Variants in ZNF438 observed in about 807,000 individuals in gnomAD.
ZNF438 encodes the protein zinc finger protein 438.
ZNF438 carries 25 observed loss-of-function variants against 38.0 expected under a neutral mutation model. The ratio of observed to expected loss-of-function variants is 0.66; its 90% CI spans 0.48 to 0.92. The LOEUF is 0.92. ZNF438 is among the 40% of genes least tolerant of loss of function. ZNF438 has a pLI of 0.00. For missense variants in ZNF438, 1,007 were observed against 999.6 expected (o/e 1.01, Z -0.10); for synonymous variants, 372 against 364.1 (o/e 1.02, Z -0.25).
intron 1 of ZNF438, among the ~76,000 whole-genome samples, chr10:30,945,528 A>G (rs2047304516): frequency 1.3e-5 from 2 of 151,490 alleles, no homozygotes; most frequent in Non-Finnish European, 2.9e-5. Flanking sequence ...CATTAGGTAT[A>G]TCTCCCAATG....
intron 3 of ZNF438, among the ~76,000 whole-genome samples, chr10:30,896,588 A>G (rs1053229353): frequency 6.6e-6 from 1 of 152,112 alleles, no homozygotes; most frequent in African/African-American, 2.4e-5. Context: ...CATATATATC[A>G]GGTATCTAGA....
chr10:30,883,640 G>A (rs2039563758), intron 3 of ZNF438, among the ~76,000 whole-genome samples: 1 of 152,174 alleles, frequency 6.6e-6, no homozygotes, highest in African/African-American at 2.4e-5. Context: ...GGGGGCAGAG[G>A]TGGAAGCATC....
intron 4 of ZNF438, among the ~76,000 whole-genome samples, chr10:30,862,430 G>A (rs1010534681): frequency 6.6e-6 from 1 of 152,114 alleles, no homozygotes; most frequent in Non-Finnish European, 1.5e-5. Context: ...AGCCTCCCAA[G>A]TAGCTGGAAC....
exon 5 of ZNF438, chr10:30,848,748 G>C (rs1358318147): frequency 6.2e-7 from 1 of 1,614,056 alleles, no homozygotes. Context: ...AGTTTCATGT[G>C]TGTGCTCAGG....
At chr10:30,971,589 A>G (rs1350912830) in intron 1 of ZNF438, among the ~76,000 whole-genome samples, 1 of 152,192 alleles carries the variant, frequency 6.6e-6, no homozygotes, top group East Asian at 1.9e-4. Flanking sequence ...TTTAAAAAGA[A>G]AAATCATAGT....
At chr10:31,030,702 A>G (rs979095027) in intron 1 of ZNF438, among the ~76,000 whole-genome samples, 4 of 152,238 alleles carry the variant, frequency 2.6e-5, no homozygotes, top group African/African-American at 9.6e-5. Context: ...ATTTACAGAA[A>G]TGTGAACTCT....
chr10:30,916,670 A>C (rs143650516), intron 2 of ZNF438, among the ~76,000 whole-genome samples: 79 of 152,148 alleles, frequency 5.2e-4, no homozygotes, highest in African/African-American at 1.8e-3. Context: ...TATTCTGTTC[A>C]TGAGACTTAT....
intron 4 of ZNF438, among the ~76,000 whole-genome samples, chr10:30,861,597 C>T (rs921801116): frequency 1.3e-5 from 2 of 152,274 alleles, no homozygotes; most frequent in South Asian, 2.1e-4. Context: ...GGGAAAAGTA[C>T]ATTTAAAAAG....
rs374534661 is a variant in ZNF438, at chr10:31,014,244, C to T, written c.-192+17589G>A. Among the ~76,000 whole-genome samples the T allele has an allele frequency of 3.3e-5, 5 of 152,262 alleles. No homozygotes were observed. In the East Asian group the frequency reaches 9.7e-4, roughly 29 times the overall value. Reference sequence around the variant, plus strand: ...GGCTTTGTCTTTGTCTGAGCTACCACAACAACAGAAATTTAACTGGGTGGC... The same window carrying T: ...GGCTTTGTCTTTGTCTGAGCTACCATAACAACAGAAATTTAACTGGGTGGC... On this transcript the variant is annotated intron_variant, in intron 1 of 5. Transcript: ENST00000413025.
intron 2 of ZNF438, among the ~76,000 whole-genome samples, chr10:30,921,641 G>A (rs1187891881): frequency 6.6e-6 from 1 of 152,104 alleles, no homozygotes; most frequent in Non-Finnish European, 1.5e-5. Context: ...TCTAAACACT[G>A]GTTTTCTTTC....
intron 2 of ZNF438, among the ~76,000 whole-genome samples, chr10:30,931,038 G>C (rs2045636434): frequency 6.6e-6 from 1 of 152,132 alleles, no homozygotes. Flanking sequence ...CTGGAGCACT[G>C]GGAAAACATA....
intron 3 of ZNF438, among the ~76,000 whole-genome samples, chr10:30,903,761 A>C (rs577809755): frequency 6.6e-6 from 1 of 152,358 alleles, no homozygotes; most frequent in South Asian, 2.1e-4. Flanking sequence ...GTAACCTTCA[A>C]GTATGTGCTA....
rs112445542 is a variant in ZNF438 at position 30,999,097 on chromosome 10, G to GA, written c.-192+32735dup. Among the ~76,000 whole-genome samples, 65 of 144,948 alleles carry GA rather than the reference G, an allele frequency of 4.5e-4. No individual in the cohort carries two copies. In the South Asian group the frequency reaches 4.8e-3, roughly 11 times the overall value. On this transcript the variant is annotated intron_variant, in intron 1 of 5. Coordinates refer to ENST00000413025, the Ensembl canonical transcript of ZNF438. The stretch of plus-strand genomic sequence containing the variant: ...CTCTTATCCAAGCGGTTCCCAAATG[G>GA]AAAAAAAAAAATCTGAAAGTTAAAT...
rs138011406 is a variant in ZNF438 at position 30,998,293 on chromosome 10, C to A, written c.-192+33540G>T. On this transcript the variant is annotated intron_variant, in intron 1 of 5. Coordinates refer to ENST00000413025, the Ensembl canonical transcript of ZNF438. ...CAGTGGCTCATGCCTGTAATCCTAG[C>A]ACTTTGGGAGGCCGAGGCGGGTGGA... 2.5e-3 allele frequency among the ~76,000 whole-genome samples: 385 copies of A among 152,016 alleles called. 9 individuals carry two copies. The East Asian group carries it at 0.038, about 15-fold the overall frequency.
At chr10:30,981,822 A>T (rs2994645) in intron 1 of ZNF438, among the ~76,000 whole-genome samples, 3 of 151,146 alleles carry the variant, frequency 2.0e-5, no homozygotes, top group Admixed American at 6.6e-5. Flanking sequence ...AGGTTGCAGC[A>T]AGCCGAGATT....
intron 4 of ZNF438, among the ~76,000 whole-genome samples, chr10:30,874,148 A>G (rs2038025026): frequency 2.4e-4 from 22 of 90,414 alleles, no homozygotes; most frequent in Admixed American, 1.5e-3. Flanking sequence ...ATATATATAT[A>G]TATATATATA....
Position 30,959,985 on chromosome 10 carries a change from C to T in ZNF438, c.-191-18334G>A, listed in dbSNP as rs191319689. Reference sequence around the variant, plus strand: ...ACAGCCATCCTAGGGGATGTAATCTCATTGTGGTATCTCATTGTGTTTTTA... The same window carrying T: ...ACAGCCATCCTAGGGGATGTAATCTTATTGTGGTATCTCATTGTGTTTTTA... On this transcript the variant is annotated intron_variant, in intron 1 of 5. Transcript: ENST00000413025. Among the ~76,000 whole-genome samples, 64 of 145,450 alleles carry T rather than the reference C, an allele frequency of 4.4e-4. 4 individuals carry two copies. Among genetic ancestry groups the T allele is most frequent in the African/African-American group, 1.5e-3 (60 of 39,516 alleles).
At position 30,971,511 on chromosome 10, in the gene ZNF438, T is replaced by C. The variant is rs1427746863; in HGVS notation, c.-191-29860A>G. On this transcript the variant is annotated intron_variant, in intron 1 of 5. Transcript: ENST00000413025. ...GAAGGGTGGTAGTCAAATGGAACTT[T>C]AGCCTGACATAAATGCTTTTTGTTT... is the stretch of plus-strand genomic sequence containing the variant. Among the ~76,000 whole-genome samples the C allele has an allele frequency of 3.3e-5, 5 of 152,226 alleles. No individual in the cohort carries two copies. The East Asian group carries it at 9.6e-4, about 29-fold the overall frequency.
chr10:30,987,884 G>T (rs930809431), intron 1 of ZNF438, among the ~76,000 whole-genome samples: 1 of 152,138 alleles, frequency 6.6e-6, no homozygotes, highest in African/African-American at 2.4e-5. Context: ...GTCATATTTT[G>T]AGAGAGCAGC....
Sources: gnomAD v4.1 joint callset for allele counts (sites outside exome capture counted in the v4.1 genomes callset) on GRCh38, gnomAD v4.1.1 for gene constraint, MANE v1.5 for transcripts, NCBI Gene and HGNC (gene_info 2026-07-23, HGNC 2026-07-21) for gene names.